The following CRYL1 variants were observed in gnomAD, a reference collection of about 807,000 sequenced individuals.
CRYL1 encodes crystallin lambda 1, also known as lambda-crystallin homolog.
In CRYL1, 29 loss-of-function variants were observed where a neutral mutation model predicts 36.6. The observed-to-expected ratio is 0.79, with a 90% CI of 0.59 to 1.08. CRYL1 has a LOEUF of 1.08. Ranked by LOEUF, CRYL1 falls within the 50% of genes least tolerant of loss-of-function variation. The pLI is 0.00. For missense variants in CRYL1, 411 were observed against 407.9 expected (o/e 1.01, Z -0.06); for synonymous variants, 152 against 151.5 (o/e 1.00, Z -0.02).
At chr13:20,418,756 A>G (rs951135783) in intron 5 of CRYL1, 1 of 152,172 alleles carries the variant, frequency 6.6e-6, no homozygotes, top group Non-Finnish European at 1.5e-5. Flanking sequence ...AAACACTACA[A>G]TAACTTTACT....
chr13:20,432,676 C>T lies in CRYL1; in HGVS notation c.439-380G>A, dbSNP rs139073410. 8.5e-5 allele frequency among the ~76,000 whole-genome samples: 13 copies of T among 152,150 alleles called. 1 individual carries two copies. The highest frequency in any genetic ancestry group is 1.3e-4 in the Non-Finnish European group (9 of 68,008). ...CACCACCCCCCAGAATCATGTCTTCCCATCTGCAGTCACCACAGGCTCTGA... is the reference window on the plus strand; with the variant it reads ...CACCACCCCCCAGAATCATGTCTTCTCATCTGCAGTCACCACAGGCTCTGA... On this transcript the variant is annotated intron_variant, in intron 4 of 7. Coordinates refer to ENST00000298248, the MANE Select transcript of CRYL1 (RefSeq NM_015974.3).
At chr13:20,511,924 G>C (rs1325167462) in intron 2 of CRYL1, among the ~76,000 whole-genome samples, 1 of 152,208 alleles carries the variant, frequency 6.6e-6, no homozygotes, top group East Asian at 1.9e-4. Context: ...TAGTACCGCT[G>C]TCACAGTTAA....
intron 5 of CRYL1, among the ~76,000 whole-genome samples, chr13:20,427,951 C>T (rs1010084278): frequency 2.0e-5 from 3 of 151,652 alleles, no homozygotes; most frequent in African/African-American, 7.3e-5. Context: ...AACGACGAAC[C>T]ATCAAAACTC....
At chr13:20,420,056 C>T (rs899873221) in intron 5 of CRYL1, among the ~76,000 whole-genome samples, 3 of 152,226 alleles carry the variant, frequency 2.0e-5, no homozygotes, top group Admixed American at 6.5e-5. Flanking sequence ...GGCCTGTTGC[C>T]GGCACTTACA....
rs563352336 is a variant in CRYL1 at position 20,414,960 on chromosome 13, G to A, written c.634-1573C>T. On this transcript the variant is annotated intron_variant, in intron 5 of 7. Transcript: ENST00000298248. ...GAATCCGCCGCCCCAGGTCTCATCTGAGCGCTGTCTTTCACCAGAGCTCTG... is the reference window on the plus strand; with the variant it reads ...GAATCCGCCGCCCCAGGTCTCATCTAAGCGCTGTCTTTCACCAGAGCTCTG... 2.0e-5 allele frequency among the ~76,000 whole-genome samples: 3 copies of A among 152,340 alleles called. No homozygotes were observed. The East Asian group carries it at 5.8e-4, about 29-fold the overall frequency.
chr13:20,459,880 G>A (rs534152916), intron 3 of CRYL1, among the ~76,000 whole-genome samples: 5 of 152,206 alleles, frequency 3.3e-5, no homozygotes, highest in African/African-American at 7.2e-5. Flanking sequence ...TAAAAATACC[G>A]ACACTGTAAC....
At chr13:20,510,408 T>C (rs533244471) in intron 2 of CRYL1, among the ~76,000 whole-genome samples, 2 of 152,280 alleles carry the variant, frequency 1.3e-5, no homozygotes, top group African/African-American at 4.8e-5. Flanking sequence ...CTACATACTG[T>C]ATGATTTCAA....
chr13:20,519,381 A>G (rs1454387852), intron 1 of CRYL1, among the ~76,000 whole-genome samples: 1 of 152,170 alleles, frequency 6.6e-6, no homozygotes, highest in Non-Finnish European at 1.5e-5. Flanking sequence ...GATTGATGAA[A>G]GACTGCTCAG....
chr13:20,500,587 C>A (rs957953000), intron 2 of CRYL1, among the ~76,000 whole-genome samples: 2 of 152,150 alleles, frequency 1.3e-5, no homozygotes, highest in African/African-American at 4.8e-5. Flanking sequence ...GTAGATTGGT[C>A]CTGCTGTGAT....
rs569124665 is a variant in CRYL1, at chr13:20,447,420, G to A, written c.277-7666C>T. Among the ~76,000 whole-genome samples, 68 of 152,038 alleles carry A rather than the reference G, an allele frequency of 4.5e-4. No homozygotes were observed. The South Asian group carries it at 8.1e-3, about 18-fold the overall frequency. ...GCAGGAAAAGATGCTGCTCCCCCTC[G>A]CCCCTACCCCAGGGAGAGCCAGGAG... is the stretch of plus-strand genomic sequence containing the variant. On this transcript the variant is annotated intron_variant, in intron 3 of 7. Coordinates refer to ENST00000298248, the MANE Select transcript of CRYL1 (RefSeq NM_015974.3).
chr13:20,449,679 T>C (rs1313692369), intron 3 of CRYL1, among the ~76,000 whole-genome samples: 3 of 152,078 alleles, frequency 2.0e-5, no homozygotes, highest in Non-Finnish European at 4.4e-5. Flanking sequence ...GATATTCTTC[T>C]ATACCTAGAA....
rs575171745 is a variant in CRYL1 at position 20,459,270 on chromosome 13, A to G, written c.277-19516T>C. On this transcript the variant is annotated intron_variant, in intron 3 of 7. Coordinates refer to ENST00000298248, the MANE Select transcript of CRYL1 (RefSeq NM_015974.3). ...AAAAAAAAAAAAAATTAATTCAACC[A>G]CTGTGAAAGCAGTCTGGAGATTTCT... 7.9e-5 allele frequency among the ~76,000 whole-genome samples: 12 copies of G among 151,082 alleles called. No individual in the cohort carries two copies. In the South Asian group the frequency reaches 2.5e-3, roughly 32 times the overall value.
At chr13:20,422,309 G>A (rs569542405) in intron 5 of CRYL1, among the ~76,000 whole-genome samples, 19 of 149,020 alleles carry the variant, frequency 1.3e-4, no homozygotes, top group African/African-American at 4.7e-4. Flanking sequence ...GCCATGAGCC[G>A]AGATCACGCC....
At position 20,481,099 on chromosome 13, in the gene CRYL1, G is replaced by C. The variant is rs1368418694; in HGVS notation, c.276+8271C>G. Among the ~76,000 whole-genome samples, 1 of 152,202 alleles carries C rather than the reference G, an allele frequency of 6.6e-6. No individual in the cohort carries two copies. Among genetic ancestry groups the C allele is most frequent in the Admixed American group, 6.5e-5 (1 of 15,282 alleles). ...AAGAGCAAGCCATCAGAAAAGTAAG[G>C]GCTGTGGCAGGAAGCTAGTAGAACA... On this transcript the variant is annotated intron_variant, in intron 3 of 7. Transcript: ENST00000298248. This position sits in a 1 kb window ranked among gnomAD's most constrained non-coding sequence, Gnocchi z 4.1.
chr13:20,467,744 C>T (rs1231570717), intron 3 of CRYL1, among the ~76,000 whole-genome samples: 4 of 152,138 alleles, frequency 2.6e-5, no homozygotes, highest in Non-Finnish European at 5.9e-5. Flanking sequence ...TCGCTTGAAC[C>T]CGGGAGGCAG....
chr13:20,404,609 C>T (rs757833199), intron 7 of CRYL1, 26 bp downstream of exon 7: 16 of 1,468,774 alleles, frequency 1.1e-5, no homozygotes, highest in Non-Finnish European at 1.5e-5. Flanking sequence ...TGCTTCTCTG[C>T]AGTGAGTTGC....
chr13:20,505,536 G>GCAGGTT (rs1435696720), intron 2 of CRYL1, among the ~76,000 whole-genome samples: 1 of 152,148 alleles, frequency 6.6e-6, no homozygotes, highest in East Asian at 1.9e-4. Context: ...GTTCAGGCTA[G>GCAGGTT]CAGGTTCAGG....
intron 4 of CRYL1, among the ~76,000 whole-genome samples, chr13:20,436,322 C>T (rs796458967): frequency 2.1e-4 from 32 of 152,318 alleles, no homozygotes; most frequent in African/African-American, 6.5e-4. Flanking sequence ...AGCAGGGAGC[C>T]TCTTTGTAAA....
At chr13:20,490,107 C>T (rs1054625170) in intron 2 of CRYL1, among the ~76,000 whole-genome samples, 3 of 152,044 alleles carry the variant, frequency 2.0e-5, no homozygotes, top group Non-Finnish European at 4.4e-5. Flanking sequence ...ATAATAGAGG[C>T]AGGCCAGGCT....
Sources: gnomAD v4.1 joint callset for allele counts (sites outside exome capture counted in the v4.1 genomes callset) on GRCh38, gnomAD v4.1.1 for gene constraint, Gnocchi (gnomAD v3.1) non-coding constraint, MANE v1.5 for transcripts, NCBI Gene and HGNC (gene_info 2026-07-23, HGNC 2026-07-21) for gene names.